Variants in CTIF observed in about 807,000 individuals in gnomAD.
CTIF encodes the protein CBP80/20-dependent translation initiation factor.
In CTIF, 21 loss-of-function variants were observed where a neutral mutation model predicts 66.0. The observed-to-expected ratio is 0.32, with a 90% CI of 0.23 to 0.46. CTIF has a LOEUF of 0.46. CTIF is among the 20% of genes least tolerant of loss of function. CTIF has a pLI of 1.00. For missense variants in CTIF, 739 were observed against 812.7 expected (o/e 0.91, Z 1.10); for synonymous variants, 345 against 326.4 (o/e 1.06, Z -0.62).
At chr18:48,597,156 G>A (rs1292157370) in intron 1 of CTIF, among the ~76,000 whole-genome samples, 1 of 152,166 alleles carries the variant, frequency 6.6e-6, no homozygotes, top group East Asian at 1.9e-4. Context: ...TGGCCTCTTC[G>A]TTCACTGCCT....
At chr18:48,583,018 G>T (rs1476197425) in intron 1 of CTIF, among the ~76,000 whole-genome samples, 1 of 152,246 alleles carries the variant, frequency 6.6e-6, no homozygotes, top group Non-Finnish European at 1.5e-5. Context: ...TGCCCAGGGT[G>T]TGCCCCACCT....
chr18:48,607,018 A>G (rs1441396791), intron 1 of CTIF, among the ~76,000 whole-genome samples: 1 of 152,044 alleles, frequency 6.6e-6, no homozygotes, highest in Admixed American at 6.5e-5. Flanking sequence ...AAAAACAAGT[A>G]TGATATTAGA....
intron 1 of CTIF, among the ~76,000 whole-genome samples, chr18:48,552,524 G>T (rs2088908635): frequency 6.6e-6 from 1 of 152,172 alleles, no homozygotes; most frequent in Non-Finnish European, 1.5e-5. Context: ...TTCATAGATT[G>T]CACCGTCTCA....
At chr18:48,844,522 C>T (rs867314397) in intron 10 of CTIF, among the ~76,000 whole-genome samples, 3 of 152,202 alleles carry the variant, frequency 2.0e-5, no homozygotes, top group Non-Finnish European at 4.4e-5. Flanking sequence ...TTTGCAAGCC[C>T]GGCAGGAAGG....
At chr18:48,674,435 C>T (rs1424958089) in intron 6 of CTIF, among the ~76,000 whole-genome samples, 2 of 152,228 alleles carry the variant, frequency 1.3e-5, no homozygotes, top group African/African-American at 2.4e-5. Flanking sequence ...GCCTGTTGAT[C>T]TCCTGGGAGC....
chr18:48,611,283 G>T (rs1328935277), intron 1 of CTIF, among the ~76,000 whole-genome samples: 1 of 152,248 alleles, frequency 6.6e-6, no homozygotes, highest in East Asian at 1.9e-4. Context: ...CTGTAAGCAG[G>T]TGCTGTCATG....
At chr18:48,652,014 G>C (rs1490107903) in intron 3 of CTIF, among the ~76,000 whole-genome samples, 1 of 152,104 alleles carries the variant, frequency 6.6e-6, no homozygotes, top group African/African-American at 2.4e-5. Flanking sequence ...AGAGAAAGCA[G>C]GAAAGATCTA....
At chr18:48,769,470 C>G (rs947531115) in intron 9 of CTIF, among the ~76,000 whole-genome samples, 1 of 152,262 alleles carries the variant, frequency 6.6e-6, no homozygotes, top group African/African-American at 2.4e-5. Flanking sequence ...TGTGGGCCAT[C>G]TGTCCCCATG....
chr18:48,847,783 C>T (rs1258824536), intron 10 of CTIF, among the ~76,000 whole-genome samples: 2 of 152,242 alleles, frequency 1.3e-5, no homozygotes, highest in African/African-American at 4.8e-5. Flanking sequence ...GATTAAGTGG[C>T]ATGCCAGGGG....
intron 5 of CTIF, among the ~76,000 whole-genome samples, chr18:48,664,931 G>A (rs1473761861): frequency 1.1e-4 from 15 of 140,214 alleles, no homozygotes; most frequent in African/African-American, 3.4e-4. Flanking sequence ...TTTTTGAGAC[G>A]GAGTCTCGCT....
intron 1 of CTIF, among the ~76,000 whole-genome samples, chr18:48,543,583 G>A (rs1462403686): frequency 2.6e-5 from 4 of 152,290 alleles, no homozygotes; most frequent in East Asian, 1.9e-4. Flanking sequence ...GGTTCACAAC[G>A]GGGTGAGAAC....
intron 9 of CTIF, among the ~76,000 whole-genome samples, chr18:48,813,639 A>G (rs1244294570): frequency 6.6e-6 from 1 of 152,254 alleles, no homozygotes; most frequent in Admixed American, 6.5e-5. Flanking sequence ...CAGGCATTCA[A>G]TCTCCTAGTA....
chr18:48,812,700 G>A (rs913731256), intron 9 of CTIF, among the ~76,000 whole-genome samples: 35 of 149,864 alleles, frequency 2.3e-4, no homozygotes, highest in Non-Finnish European at 4.3e-4. Flanking sequence ...GCTGCAGTGA[G>A]CCTTAATCGC....
At chr18:48,783,814 G>A (rs1283222697) in intron 9 of CTIF, among the ~76,000 whole-genome samples, 33 of 151,930 alleles carry the variant, frequency 2.2e-4, no homozygotes, top group Admixed American at 2.2e-3. Flanking sequence ...CCAGGCAAGC[G>A]CTGCCTGCCG....
intron 7 of CTIF, among the ~76,000 whole-genome samples, chr18:48,717,446 T>TAATAAG (rs1568161089): frequency 1.4e-5 from 2 of 147,738 alleles, no homozygotes; most frequent in Non-Finnish European, 3.0e-5. Context: ...AATAAATAAA[T>TAATAAG]AATAAGAATT....
At chr18:48,612,483 C>G (rs116431074) in intron 1 of CTIF, among the ~76,000 whole-genome samples, 1 of 152,302 alleles carries the variant, frequency 6.6e-6, no homozygotes, top group South Asian at 2.1e-4. Flanking sequence ...GACCAGGGCC[C>G]GAAAGCCAGC....
chr18:48,575,699 C>G (rs750329238), intron 1 of CTIF, among the ~76,000 whole-genome samples: 3 of 152,200 alleles, frequency 2.0e-5, no homozygotes, highest in Non-Finnish European at 4.4e-5. Flanking sequence ...AGGCTCAGAC[C>G]GGGGCCGTCC....
At chr18:48,583,976 A>T (rs16949560) in intron 1 of CTIF, among the ~76,000 whole-genome samples, 51,856 of 152,168 alleles carry the variant, frequency 0.34, 11,960 homozygotes, top group African/African-American at 0.66. Context: ...CTTGTCTTTT[A>T]TCAGACAGGG....
chr18:48,833,696 A>C (rs2068745080), intron 10 of CTIF, among the ~76,000 whole-genome samples: 1 of 152,150 alleles, frequency 6.6e-6, no homozygotes, highest in Non-Finnish European at 1.5e-5. Flanking sequence ...GGGGTAGGGA[A>C]GGTCACTGGC....
Sources: allele counts gnomAD v4.1 joint callset (sites outside exome capture counted in the v4.1 genomes callset), GRCh38; gene constraint gnomAD v4.1.1; transcripts MANE v1.5; gene names NCBI Gene and HGNC (gene_info 2026-07-23, HGNC 2026-07-21).